Variants in PARL observed in about 807,000 individuals in gnomAD.
PARL encodes the protein presenilin associated rhomboid like, also known as presenilin-associated rhomboid-like protein, mitochondrial.
Under a neutral mutation model 51.6 loss-of-function variants are expected in PARL, and 44 were observed. That is an observed-to-expected ratio of 0.85 (90% confidence interval 0.67 to 1.10). The LOEUF (loss-of-function observed/expected upper bound fraction) is 1.10. Ranked by LOEUF, PARL falls within the 50% of genes least tolerant of loss-of-function variation. The pLI is 0.00. For missense variants in PARL, 441 were observed against 469.5 expected (o/e 0.94, Z 0.56); for synonymous variants, 172 against 164.0 (o/e 1.05, Z -0.37).
chr3:183,861,118 A>G (rs1389896190), intron 4 of PARL: 1 of 288,114 alleles, frequency 3.5e-6, no homozygotes, highest in Non-Finnish European at 5.2e-6. Context: ...ACCCAGCCTC[A>G]TTACTTTCAT....
intron 1 of PARL, among the ~76,000 whole-genome samples, chr3:183,875,567 G>T (rs566782608): frequency 2.0e-5 from 3 of 152,246 alleles, no homozygotes; most frequent in Admixed American, 2.0e-4. Context: ...TCAATTCTAT[G>T]AAGGCTGAAA....
At chr3:183,882,236 TATATATATTTATA>T (rs1383153329) in intron 1 of PARL, among the ~76,000 whole-genome samples, 5 of 19,868 alleles carry the variant, frequency 2.5e-4, no homozygotes, top group African/African-American at 9.0e-4. Flanking sequence ...TATATATATA[TATATATATTTATA>T]TATATATATA....
intron 7 of PARL, among the ~76,000 whole-genome samples, chr3:183,834,886 C>CAAAAAAAAAAAAAAAAAAAA (rs60078452): frequency 9.2e-6 from 1 of 108,678 alleles, no homozygotes. Flanking sequence ...ACTAAAAATA[C>CAAAAAAAAAAAAAAAAAAAA]AAAAAAAAAA....
intron 1 of PARL, among the ~76,000 whole-genome samples, chr3:183,881,130 T>C (rs1734388535): frequency 6.7e-6 from 1 of 149,062 alleles, no homozygotes; most frequent in Non-Finnish European, 1.5e-5. Flanking sequence ...CATTTTTTTT[T>C]TTTTTTTTCA....
chr3:183,868,977 T>G (rs965926073), intron 1 of PARL, among the ~76,000 whole-genome samples: 4 of 152,166 alleles, frequency 2.6e-5, no homozygotes, highest in African/African-American at 7.2e-5. Flanking sequence ...CTTGACTTCC[T>G]CAAAATATCT....
chr3:183,855,797 T>A (rs1038834193), intron 4 of PARL, among the ~76,000 whole-genome samples: 1 of 151,762 alleles, frequency 6.6e-6, no homozygotes, highest in African/African-American at 2.4e-5. Context: ...CTGTCTCTAC[T>A]AAAAATACAA....
intron 1 of PARL, among the ~76,000 whole-genome samples, chr3:183,881,923 C>T (rs1734478522): frequency 6.6e-6 from 1 of 151,954 alleles, no homozygotes; most frequent in Non-Finnish European, 1.5e-5. Context: ...TATTTTGAGG[C>T]TAGGCATGGT....
At chr3:183,859,791 C>T (rs1172310825) in intron 4 of PARL, among the ~76,000 whole-genome samples, 1 of 152,170 alleles carries the variant, frequency 6.6e-6, no homozygotes, top group East Asian at 1.9e-4. Flanking sequence ...AACTCAGAAA[C>T]TATGTATATT....
chr3:183,846,131 C>G (rs1323473573), intron 4 of PARL, among the ~76,000 whole-genome samples: 2 of 151,744 alleles, frequency 1.3e-5, no homozygotes, highest in Non-Finnish European at 2.9e-5. Flanking sequence ...GGCACCACAG[C>G]ACTGTCAAGA....
intron 3 of PARL, among the ~76,000 whole-genome samples, chr3:183,863,721 G>A (rs1732112273): frequency 1.3e-5 from 2 of 151,976 alleles, no homozygotes; most frequent in African/African-American, 4.8e-5. Context: ...TTACAGATAT[G>A]AGCCGCCCCG....
intron 7 of PARL, among the ~76,000 whole-genome samples, chr3:183,836,508 T>C (rs936211373): frequency 5.3e-5 from 8 of 152,194 alleles, no homozygotes; most frequent in Admixed American, 5.2e-4. Flanking sequence ...GCAGAGAGAC[T>C]TTTTTCACTT....
intron 1 of PARL, among the ~76,000 whole-genome samples, chr3:183,877,010 G>C (rs1057473149): frequency 6.6e-6 from 1 of 152,208 alleles, no homozygotes; most frequent in African/African-American, 2.4e-5. Context: ...TCAGGAGTTC[G>C]AGACCAGCCT....
intron 9 of PARL, among the ~76,000 whole-genome samples, chr3:183,831,799 A>G (rs975193967): frequency 6.6e-6 from 1 of 152,242 alleles, no homozygotes; most frequent in African/African-American, 2.4e-5. Context: ...AAGCTTTTAG[A>G]AAAGATGAAT....
At chr3:183,881,785 A>C (rs972438387) in intron 1 of PARL, among the ~76,000 whole-genome samples, 6 of 152,264 alleles carry the variant, frequency 3.9e-5, no homozygotes, top group African/African-American at 1.4e-4. Flanking sequence ...GGGCGGGAGG[A>C]TGGATTCTAC....
At chr3:183,830,674 G>A (rs1344924749) in intron 9 of PARL, among the ~76,000 whole-genome samples, 8 of 152,126 alleles carry the variant, frequency 5.3e-5, no homozygotes, top group Non-Finnish European at 7.4e-5. Flanking sequence ...CTGAAAAAAT[G>A]CTATTTGACT....
chr3:183,874,330 T>C (rs908824837), intron 1 of PARL, among the ~76,000 whole-genome samples: 8 of 152,026 alleles, frequency 5.3e-5, no homozygotes, highest in Admixed American at 5.2e-4. Context: ...ACTGGTCAAT[T>C]AATAACCCTA....
intron 4 of PARL, among the ~76,000 whole-genome samples, chr3:183,846,091 A>G (rs1005742301): frequency 6.6e-6 from 1 of 152,128 alleles, no homozygotes; most frequent in Admixed American, 6.6e-5. Flanking sequence ...AACCACAGAC[A>G]CACAGCACAC....
downstream of PARL, chr3:183,826,847 C>T: frequency 1.1e-6 from 1 of 876,540 alleles, no homozygotes; most frequent in South Asian, 5.2e-5. Context: ...CTCCATCTCG[C>T]AGGAAAAGAG....
Position 183,833,521 on chromosome 3 carries a change from C to A in PARL, c.999G>T (p.Ala333=), listed in dbSNP as rs140027735. 3.1e-4 allele frequency: 500 copies of A among 1,613,030 alleles called. No homozygotes were observed. Among genetic ancestry groups the A allele is most frequent in the Non-Finnish European group, 4.0e-4 (468 of 1,179,152 alleles). The part of the protein sequence containing the change: ...MILGWKFFDH[A]AHLGGALFGI... ...CAAAAAGAGCTCCCCCAAGATGTGC[C>A]GCATGATCAAAAAATTTCCATCCCA... The change falls in exon 9 of 10, where the codon GCG becomes GCT. Residue 333 remains alanine (A), a synonymous_variant. Coordinates refer to ENST00000317096, the MANE Select transcript of PARL (RefSeq NM_018622.7).
Sources: gnomAD v4.1 joint callset for allele counts (sites outside exome capture counted in the v4.1 genomes callset) on GRCh38, gnomAD v4.1.1 for gene constraint, MANE v1.5 for transcripts, NCBI Gene and HGNC (gene_info 2026-07-23, HGNC 2026-07-21) for gene names.